UBE2L3: variants seen among roughly 807,000 people sequenced by gnomAD.
The protein encoded by UBE2L3 is ubiquitin conjugating enzyme E2 L3.
In UBE2L3, 1 loss-of-function variant was observed where a neutral mutation model predicts 17.8. The observed-to-expected ratio is 0.06, with a 90% CI of 0.02 to 0.27. UBE2L3 has a LOEUF of 0.27. UBE2L3 is among the 10% of genes least tolerant of loss of function. UBE2L3 has a pLI of 1.00. For missense variants in UBE2L3, 40 were observed against 192.6 expected (o/e 0.21, Z 4.69); for synonymous variants, 44 against 68.5 (o/e 0.64, Z 1.76).
chr22:21,608,626 C>T (rs917647534), intron 2 of UBE2L3, among the ~76,000 whole-genome samples: 4 of 151,820 alleles, frequency 2.6e-5, no homozygotes, highest in Admixed American at 6.6e-5. Flanking sequence ...GGTTTTACCA[C>T]GTTGGCCAGG....
intron 3 of UBE2L3, among the ~76,000 whole-genome samples, chr22:21,613,204 G>GT (rs754028243): frequency 5.3e-5 from 8 of 152,276 alleles, no homozygotes; most frequent in Non-Finnish European, 1.2e-4. Context: ...ATGGATGCAC[G>GT]TGCTTTGCCA....
intron 2 of UBE2L3, among the ~76,000 whole-genome samples, chr22:21,607,098 G>A (rs1453012675): frequency 6.6e-6 from 1 of 152,194 alleles, no homozygotes; most frequent in East Asian, 1.9e-4. Context: ...GGATGTAGGA[G>A]AATGTGGAGA....
At chr22:21,567,554 G>C (rs1926691510), upstream of UBE2L3, 1 of 1,290,656 alleles carries the variant, frequency 7.7e-7, no homozygotes, top group South Asian at 1.6e-5. Context: ...CGTAAACGCT[G>C]AGGCCCAGTC....
intron 1 of UBE2L3, among the ~76,000 whole-genome samples, chr22:21,579,177 G>C (rs1341312965): frequency 6.6e-6 from 1 of 151,894 alleles, no homozygotes; most frequent in Non-Finnish European, 1.5e-5. Context: ...TTTTAGTAGA[G>C]ACGGGGGTTT....
chr22:21,580,632 A>G (rs1445738417), intron 1 of UBE2L3, among the ~76,000 whole-genome samples: 2 of 150,578 alleles, frequency 1.3e-5, no homozygotes, highest in Admixed American at 6.6e-5. Flanking sequence ...TTGTATTTTT[A>G]GTAGAGACAG....
chr22:21,602,045 CAG>C (rs1157270027), intron 2 of UBE2L3, among the ~76,000 whole-genome samples: 3 of 151,616 alleles, frequency 2.0e-5, no homozygotes, highest in South Asian at 2.1e-4. Context: ...TCTCTCTTAA[CAG>C]GGGACTGGAC....
intron 1 of UBE2L3, among the ~76,000 whole-genome samples, chr22:21,556,499 G>A (rs371780210): frequency 2.6e-5 from 4 of 152,238 alleles, no homozygotes; most frequent in Admixed American, 2.0e-4. Context: ...GCGTGATCTC[G>A]GCATACTGCA....
chr22:21,586,223 G>A (rs1482557109), intron 1 of UBE2L3, among the ~76,000 whole-genome samples: 1 of 152,086 alleles, frequency 6.6e-6, no homozygotes, highest in Non-Finnish European at 1.5e-5. Flanking sequence ...TTACGGGTGT[G>A]AGCCACCGCC....
At chr22:21,615,372 G>A (rs555718897) in intron 3 of UBE2L3, among the ~76,000 whole-genome samples, 627 of 151,956 alleles carry the variant, frequency 4.1e-3, no homozygotes, top group Non-Finnish European at 6.8e-3. Context: ...TGGCTAACAT[G>A]GTGAAACCCT....
At chr22:21,619,794 C>T (rs947917365) in intron 3 of UBE2L3, among the ~76,000 whole-genome samples, 7 of 152,192 alleles carry the variant, frequency 4.6e-5, no homozygotes, top group Non-Finnish European at 7.3e-5. Context: ...CGGGTTCAAG[C>T]GATTCTCCTG....
intron 3 of UBE2L3, among the ~76,000 whole-genome samples, chr22:21,619,758 C>G (rs1027455445): frequency 6.6e-6 from 1 of 152,218 alleles, no homozygotes; most frequent in Admixed American, 6.5e-5. Context: ...GTGGCACGAT[C>G]TCGGCTCACT....
chr22:21,591,530 T>A (rs1382815591), intron 1 of UBE2L3, among the ~76,000 whole-genome samples: 1 of 152,224 alleles, frequency 6.6e-6, no homozygotes, highest in South Asian at 2.1e-4. Flanking sequence ...GCCCAGCACA[T>A]CTTCCTACTC....
intron 1 of UBE2L3, among the ~76,000 whole-genome samples, chr22:21,559,233 A>C (rs1926344947): frequency 6.6e-6 from 1 of 152,206 alleles, no homozygotes; most frequent in South Asian, 2.1e-4. Flanking sequence ...CTGTAATCCC[A>C]GCTACTCGGG....
At chr22:21,591,172 G>T (rs567684104) in intron 1 of UBE2L3, among the ~76,000 whole-genome samples, 2 of 152,270 alleles carry the variant, frequency 1.3e-5, no homozygotes, top group Admixed American at 6.5e-5. Context: ...TGCAGGTGGA[G>T]AGGGGCCAGG....
At chr22:21,580,830 C>T (rs561786596) in intron 1 of UBE2L3, among the ~76,000 whole-genome samples, 54 of 151,654 alleles carry the variant, frequency 3.6e-4, no homozygotes, top group Non-Finnish European at 7.1e-4. Context: ...TATGATCTGC[C>T]GGCCTCAGCC....
At chr22:21,562,283 C>T (rs1264001699) in intron 1 of UBE2L3, among the ~76,000 whole-genome samples, 4 of 151,582 alleles carry the variant, frequency 2.6e-5, no homozygotes, top group Non-Finnish European at 5.9e-5. Flanking sequence ...CAAGCTCCAC[C>T]TCCCGGGTTC....
At chr22:21,565,822 A>C (rs142248636), upstream of UBE2L3, among the ~76,000 whole-genome samples, 2 of 148,702 alleles carry the variant, frequency 1.3e-5, no homozygotes, top group South Asian at 4.4e-4. Context: ...TATATTCTGA[A>C]GCTATGTTCT....
At chr22:21,557,623 T>C (rs867014849) in intron 1 of UBE2L3, among the ~76,000 whole-genome samples, 2 of 152,278 alleles carry the variant, frequency 1.3e-5, no homozygotes, top group South Asian at 2.1e-4. Context: ...CACGGGTTTA[T>C]GCCATTCTCC....
rs113720955 is a variant in UBE2L3 at position 21,577,851 on chromosome 22, C to T, written c.27+10080C>T. 8.5e-4 allele frequency among the ~76,000 whole-genome samples: 130 copies of T among 152,250 alleles called. 3 individuals carry two copies. Among genetic ancestry groups the T allele is most frequent in the African/African-American group, 3.0e-3 (126 of 41,548 alleles). On this transcript the variant is annotated intron_variant, in intron 1 of 3. Transcript: ENST00000342192. ...GCGGGGAACATTCTCTTTTGACAGC[C>T]CTTATCCCAGCAGGCACATCTGCAA...
Sources: gnomAD v4.1 joint callset for allele counts (sites outside exome capture counted in the v4.1 genomes callset) on GRCh38, gnomAD v4.1.1 for gene constraint, MANE v1.5 for transcripts, NCBI Gene and HGNC (gene_info 2026-07-23, HGNC 2026-07-21) for gene names.